Variants in GNAL observed in about 807,000 individuals in gnomAD.
GNAL encodes the protein guanine nucleotide-binding protein G(olf) subunit alpha.
GNAL carries 18 observed loss-of-function variants against 55.1 expected under a neutral mutation model. The ratio of observed to expected loss-of-function variants is 0.33; its 90% CI spans 0.23 to 0.48. The LOEUF is 0.48. GNAL is among the 20% of genes least tolerant of loss of function. The pLI, the probability that GNAL is intolerant of heterozygous loss-of-function variation, is 0.99. For synonymous variants in GNAL, 253 were observed against 237.0 expected (o/e 1.07, Z -0.62); for missense variants, 412 against 614.1 (o/e 0.67, Z 3.48).
At chr18:11,829,748 G>A (rs1346348382) in intron 5 of GNAL, among the ~76,000 whole-genome samples, 1 of 152,188 alleles carries the variant, frequency 6.6e-6, no homozygotes, top group Admixed American at 6.5e-5. Context: ...AGTAGCTCAC[G>A]CCTGTAATCC....
intron 4 of GNAL, among the ~76,000 whole-genome samples, chr18:11,817,585 C>T (rs1030229750): frequency 4.6e-5 from 7 of 152,036 alleles, no homozygotes; most frequent in African/African-American, 7.2e-5. Flanking sequence ...GGCTTGTTTT[C>T]GTGTAGTTTT....
chr18:11,848,796 C>G (rs1182166025), intron 5 of GNAL, among the ~76,000 whole-genome samples: 1 of 152,134 alleles, frequency 6.6e-6, no homozygotes, highest in Non-Finnish European at 1.5e-5. Flanking sequence ...ACTTTGCAGT[C>G]AATGCAACTC....
At chr18:11,798,389 G>A (rs2034442992) in intron 4 of GNAL, among the ~76,000 whole-genome samples, 1 of 151,042 alleles carries the variant, frequency 6.6e-6, no homozygotes, top group Non-Finnish European at 1.5e-5. Flanking sequence ...TGTCACCAGA[G>A]TGCCTCTTTT....
chr18:11,867,091 C>G (rs1425047370), intron 7 of GNAL, 77 bp from the exon 8 acceptor site: 1 of 1,144,750 alleles, frequency 8.7e-7, no homozygotes, highest in South Asian at 1.2e-5. Flanking sequence ...CTGCTGATAG[C>G]AAAAGAGGAA....
At chr18:11,762,644 G>A (rs554753002) in intron 4 of GNAL, among the ~76,000 whole-genome samples, 8 of 152,310 alleles carry the variant, frequency 5.3e-5, no homozygotes, top group African/African-American at 1.9e-4. Flanking sequence ...GCCCAGTCAG[G>A]CCACGGCGGG....
intron 4 of GNAL, among the ~76,000 whole-genome samples, chr18:11,822,129 G>C (rs999146901): frequency 1.3e-5 from 2 of 152,188 alleles, no homozygotes; most frequent in Non-Finnish European, 2.9e-5. Context: ...AGGCCCAGGG[G>C]CTTAGCGCGC....
intron 4 of GNAL, among the ~76,000 whole-genome samples, chr18:11,780,415 A>G (rs1224348067): frequency 2.6e-5 from 4 of 152,166 alleles, no homozygotes; most frequent in Non-Finnish European, 4.4e-5. Flanking sequence ...ATGTTAAGAC[A>G]TGCCAACTCT....
At chr18:11,744,451 G>T (rs1178897166) in intron 1 of GNAL, among the ~76,000 whole-genome samples, 2 of 152,118 alleles carry the variant, frequency 1.3e-5, no homozygotes, top group African/African-American at 4.8e-5. Context: ...TTAGGTCACA[G>T]AATGATCTCT....
At chr18:11,851,560 G>A (rs747190624) in intron 5 of GNAL, 3 of 1,610,848 alleles carry the variant, frequency 1.9e-6, no homozygotes, top group Non-Finnish European at 1.7e-6. Context: ...CGCGGCCAAA[G>A]AACTGAGTAG....
chr18:11,780,577 C>T (rs896934482), intron 4 of GNAL, among the ~76,000 whole-genome samples: 2 of 152,068 alleles, frequency 1.3e-5, no homozygotes, highest in Non-Finnish European at 2.9e-5. Context: ...CCAGTCAGCT[C>T]CAGTAAAGTG....
chr18:11,759,797 G>T (rs1177503604), intron 4 of GNAL, among the ~76,000 whole-genome samples: 1 of 152,248 alleles, frequency 6.6e-6, no homozygotes, highest in Non-Finnish European at 1.5e-5. Context: ...AGAATCTCCA[G>T]AATGCGGTCA....
intron 8 of GNAL, among the ~76,000 whole-genome samples, chr18:11,867,646 G>T (rs2036294834): frequency 6.6e-6 from 1 of 151,516 alleles, no homozygotes; most frequent in Non-Finnish European, 1.5e-5. Context: ...AACCCCGTCT[G>T]TACTAAAAAT....
At chr18:11,728,614 T>C (rs562023563) in intron 1 of GNAL, among the ~76,000 whole-genome samples, 28 of 152,294 alleles carry the variant, frequency 1.8e-4, no homozygotes, top group African/African-American at 6.7e-4. Context: ...CCTCAAAGTT[T>C]CTTTTTAAGA....
In GNAL at chr18:11,870,508, G is replaced by A. The variant is rs1713425417; in HGVS notation, c.1032-1760G>A. 2.0e-5 allele frequency among the ~76,000 whole-genome samples: 3 copies of A among 151,950 alleles called. No homozygotes were observed. In the South Asian group the frequency reaches 6.3e-4, roughly 32 times the overall value. ...TGAACTCCAGCCTGGGCAACAGAGTGAGACTCTGTCTCAAAAAGTAAAAAA... is the reference window on the plus strand; with the variant it reads ...TGAACTCCAGCCTGGGCAACAGAGTAAGACTCTGTCTCAAAAAGTAAAAAA... On this transcript the variant is annotated intron_variant, in intron 9 of 11. Coordinates refer to ENST00000334049, the MANE Select transcript of GNAL (RefSeq NM_182978.4).
Position 11,873,342 on chromosome 18 carries a change from T to C in GNAL, c.1162+944T>C, listed in dbSNP as rs113117079. On this transcript the variant is annotated intron_variant, in intron 10 of 11. Coordinates refer to ENST00000334049, the MANE Select transcript of GNAL (RefSeq NM_182978.4). ...TTTCTCCCTCATGGGAGAGGCATTA[T>C]ATAAGTATATTCATAGTAAAATCCT... 1.1e-3 allele frequency among the ~76,000 whole-genome samples: 162 copies of C among 152,388 alleles called. 1 individual carries two copies. The highest frequency in any genetic ancestry group is 3.8e-3 in the African/African-American group (156 of 41,598).
chr18:11,815,406 G>A (rs141139428), intron 4 of GNAL, among the ~76,000 whole-genome samples: 1 of 152,250 alleles, frequency 6.6e-6, no homozygotes, highest in Non-Finnish European at 1.5e-5. Context: ...TTCTGCTTCT[G>A]GGGAGGCCTC....
At chr18:11,726,785 A>G (rs2032221299) in intron 1 of GNAL, among the ~76,000 whole-genome samples, 1 of 152,352 alleles carries the variant, frequency 6.6e-6, no homozygotes, top group Non-Finnish European at 1.5e-5. Flanking sequence ...ACAGACAGGT[A>G]GTGTTAAGTT....
chr18:11,867,378 A>G (rs1278066956), intron 8 of GNAL, 152 bp downstream of exon 8: 4 of 653,860 alleles, frequency 6.1e-6, no homozygotes, highest in Non-Finnish European at 1.1e-5. Flanking sequence ...TACTAATCTC[A>G]TTAAAAAAAG....
At chr18:11,806,423 A>G (rs1333624332) in intron 4 of GNAL, among the ~76,000 whole-genome samples, 2 of 152,208 alleles carry the variant, frequency 1.3e-5, no homozygotes, top group African/African-American at 4.8e-5. Flanking sequence ...TGCCTAGACC[A>G]ATGTCCAGAA....
Sources: allele counts gnomAD v4.1 joint callset (sites outside exome capture counted in the v4.1 genomes callset), GRCh38; gene constraint gnomAD v4.1.1; transcripts MANE v1.5; gene names NCBI Gene and HGNC (gene_info 2026-07-23, HGNC 2026-07-21).